EBF4: variants seen among roughly 807,000 people sequenced by gnomAD.
EBF4 encodes transcription factor COE4.
Under a neutral mutation model 67.1 loss-of-function variants are expected in EBF4, and 34 were observed. The ratio of observed to expected loss-of-function variants is 0.51; its 90% CI spans 0.39 to 0.67. The LOEUF (loss-of-function observed/expected upper bound fraction) is 0.67. Among genes scored for constraint, EBF4 ranks in the 30% least tolerant of loss-of-function variants. The pLI, the probability that EBF4 is intolerant of heterozygous loss-of-function variation, is 0.00. For synonymous variants in EBF4, 387 were observed against 377.7 expected (o/e 1.02, Z -0.29); for missense variants, 837 against 873.3 (o/e 0.96, Z 0.52).
rs190636504 is a variant in EBF4 at position 2,740,462 on chromosome 20, G to A, written c.558-8087G>A. 8.7e-4 allele frequency among the ~76,000 whole-genome samples: 132 copies of A among 152,320 alleles called. 1 individual carries two copies. In the East Asian group the frequency reaches 0.02, roughly 23 times the overall value. On this transcript the variant is annotated intron_variant, in intron 6 of 16. Coordinates refer to ENST00000609451, the Ensembl canonical transcript of EBF4. ...TTAGGGAGCACTGTAATCTAGACAC[G>A]TTCTTCCTTGCCCCTGACAGACCTG...
intron 6 of EBF4, among the ~76,000 whole-genome samples, chr20:2,731,910 G>T (rs2087818788): frequency 6.6e-6 from 1 of 152,194 alleles, no homozygotes; most frequent in Admixed American, 6.5e-5. Flanking sequence ...TTCACATTGT[G>T]TGTGCAGAGC....
At chr20:2,711,958 G>C (rs908958640) in intron 6 of EBF4, among the ~76,000 whole-genome samples, 2 of 152,188 alleles carry the variant, frequency 1.3e-5, no homozygotes, top group African/African-American at 4.8e-5. Flanking sequence ...TGTATCTGGG[G>C]GAAGAATATT....
chr20:2,752,704 T>A (rs1051713217), intron 14 of EBF4, among the ~76,000 whole-genome samples, 159 bp downstream of exon 14: 1 of 151,450 alleles, frequency 6.6e-6, no homozygotes, highest in African/African-American at 2.4e-5. Context: ...GCCTGGGACC[T>A]CCCCTGCCGC....
At chr20:2,735,363 G>A (rs947766705) in intron 6 of EBF4, among the ~76,000 whole-genome samples, 1 of 152,166 alleles carries the variant, frequency 6.6e-6, no homozygotes, top group Non-Finnish European at 1.5e-5. Flanking sequence ...ACAGGGCTGG[G>A]GAGTAGGGGA....
At chr20:2,695,076 C>T (rs60656033) in intron 1 of EBF4, among the ~76,000 whole-genome samples, 1 of 151,114 alleles carries the variant, frequency 6.6e-6, no homozygotes, top group African/African-American at 2.4e-5. Flanking sequence ...TTTTCCTGTG[C>T]TATGCTTACA....
chr20:2,708,167 G>C (rs2087486412), intron 5 of EBF4, 147 bp downstream of exon 5: 1 of 818,916 alleles, frequency 1.2e-6, no homozygotes, highest in Non-Finnish European at 1.9e-6. Flanking sequence ...GATGAAGGGA[G>C]TGGTGAGGCC....
At chr20:2,715,228 G>T (rs2087592671) in intron 6 of EBF4, among the ~76,000 whole-genome samples, 1 of 151,914 alleles carries the variant, frequency 6.6e-6, no homozygotes, top group Non-Finnish European at 1.5e-5. Flanking sequence ...AAAGTGTGTT[G>T]GTGTAGTTTA....
At chr20:2,705,624 A>G in exon 2 of EBF4, 3 of 1,553,220 alleles carry the variant, frequency 1.9e-6, no homozygotes, top group Non-Finnish European at 2.6e-6. Context: ...CCTCCCTCCA[A>G]CCTCAGGAAA....
intron 1 of EBF4, among the ~76,000 whole-genome samples, chr20:2,697,494 G>C (rs935199433): frequency 6.6e-6 from 1 of 151,484 alleles, no homozygotes; most frequent in Non-Finnish European, 1.5e-5. Context: ...GCAGTGAGCC[G>C]AGATCGCGCC....
chr20:2,714,630 G>A (rs1328301436), intron 6 of EBF4, among the ~76,000 whole-genome samples: 1 of 152,202 alleles, frequency 6.6e-6, no homozygotes, highest in Non-Finnish European at 1.5e-5. Flanking sequence ...GGGATTACAG[G>A]CATGAGCCAC....
intron 6 of EBF4, among the ~76,000 whole-genome samples, chr20:2,728,757 T>C (rs2087776062): frequency 6.6e-6 from 1 of 152,092 alleles, no homozygotes; most frequent in Non-Finnish European, 1.5e-5. Context: ...TGTGGGTCCA[T>C]AGGTAGAGTT....
chr20:2,707,902 G>A lies in EBF4; in HGVS notation c.415-45G>A. 1 of 1,533,768 alleles carries A rather than the reference G, an allele frequency of 6.5e-7. No individual in the cohort carries two copies. Among genetic ancestry groups the A allele is most frequent in the Non-Finnish European group, 8.8e-7 (1 of 1,133,636 alleles). On this transcript the variant is annotated intron_variant, in intron 4 of 16. Coordinates refer to ENST00000609451, the Ensembl canonical transcript of EBF4. The surrounding 1 kb of genome is among the most constrained non-coding windows in gnomAD (Gnocchi z 4.6). ...CGTCTGTGCTGCCACCTGCACCTCAGAGGAGCCTCCTTCCCCTCCAGCCTG... is the reference window on the plus strand; with the variant it reads ...CGTCTGTGCTGCCACCTGCACCTCAAAGGAGCCTCCTTCCCCTCCAGCCTG...
intron 14 of EBF4, among the ~76,000 whole-genome samples, chr20:2,753,775 C>T (rs1388711778): frequency 6.6e-6 from 1 of 152,242 alleles, no homozygotes; most frequent in Non-Finnish European, 1.5e-5. Flanking sequence ...GAGCCTGGCC[C>T]TGTCCTCTGG....
intron 7 of EBF4, among the ~76,000 whole-genome samples, chr20:2,748,892 G>A (rs78617077): frequency 1.3e-5 from 2 of 152,166 alleles, no homozygotes; most frequent in Non-Finnish European, 2.9e-5. Flanking sequence ...CATGATTAAC[G>A]ACCCAGGCAA....
intron 6 of EBF4, among the ~76,000 whole-genome samples, chr20:2,722,759 AT>A (rs2087698860): frequency 1.3e-5 from 2 of 151,994 alleles, no homozygotes; most frequent in South Asian, 4.1e-4. Flanking sequence ...TGTTTTATTT[AT>A]TTCATCTGGT....
intron 6 of EBF4, among the ~76,000 whole-genome samples, chr20:2,723,564 T>C (rs944514167): frequency 1.1e-4 from 16 of 152,172 alleles, no homozygotes; most frequent in African/African-American, 3.6e-4. Context: ...TTAGCCAGGA[T>C]GGTCTCCATC....
At chr20:2,697,346 C>T (rs1392464649) in intron 1 of EBF4, among the ~76,000 whole-genome samples, 1 of 151,964 alleles carries the variant, frequency 6.6e-6, no homozygotes, top group Non-Finnish European at 1.5e-5. Flanking sequence ...GAGATCGAGA[C>T]CATCCTGGCT....
rs1395385804 is a variant in EBF4, at chr20:2,705,797, AC to A, written c.294+65del. On this transcript the variant is annotated intron_variant, in intron 2 of 16. Coordinates refer to ENST00000609451, the Ensembl canonical transcript of EBF4. ...AGGGAACCCCCAACCACACACACAC[AC>A]ACACACACACACACACACACACACA... 3.4e-3 allele frequency: 3,311 copies of A among 982,982 alleles called. 89 individuals are homozygous for A. The African/African-American group carries it at 0.09, about 27-fold the overall frequency. 60.9% of individuals were successfully genotyped at this position (982,982 alleles called of 1,614,324 possible).
intron 6 of EBF4, among the ~76,000 whole-genome samples, chr20:2,711,385 C>G (rs2087543474): frequency 6.6e-6 from 1 of 151,844 alleles, no homozygotes; most frequent in African/African-American, 2.4e-5. Flanking sequence ...TGTTTTCATC[C>G]CTTTTCAGGG....
Sources: gnomAD v4.1 joint callset for allele counts (sites outside exome capture counted in the v4.1 genomes callset) on GRCh38, gnomAD v4.1.1 for gene constraint, Gnocchi (gnomAD v3.1) non-coding constraint, MANE v1.5 for transcripts, NCBI Gene and HGNC (gene_info 2026-07-23, HGNC 2026-07-21) for gene names.